FAM228B: variants seen among roughly 807,000 people sequenced by gnomAD.
FAM228B encodes family with sequence similarity 228 member B, also known as protein FAM228B.
In FAM228B, 38 loss-of-function variants were observed where a neutral mutation model predicts 42.6. That is an observed-to-expected ratio of 0.89 (90% CI 0.69 to 1.17). The LOEUF (loss-of-function observed/expected upper bound fraction) is 1.17. Among genes scored for constraint, FAM228B ranks in the 50% most tolerant of loss-of-function variants. The pLI is 0.00. For missense variants in FAM228B, 344 were observed against 367.3 expected (o/e 0.94, Z 0.52); for synonymous variants, 109 against 122.3 (o/e 0.89, Z 0.72).
Position 24,077,137 on chromosome 2 carries a change from G to C in FAM228B, c.-290+168G>C, listed in dbSNP as rs1664784606. Among the ~76,000 whole-genome samples, 4 of 152,016 alleles carry C rather than the reference G, an allele frequency of 2.6e-5. No homozygotes were observed. In the South Asian group the frequency reaches 8.3e-4, roughly 31 times the overall value. On this transcript the variant is annotated intron_variant, in intron 1 of 10. Coordinates refer to the FAM228B transcript ENST00000613899. This position sits in a 1 kb window ranked among gnomAD's most constrained non-coding sequence, Gnocchi z 5.5. ...GAGGAGGGCGGCGAGAGGTGGGGTG[G>C]GGCCCAGGTGAGTAGCGGGCAGGGC...
In FAM228B at chr2:24,128,086, C is replaced by T. The variant is rs539432079; in HGVS notation, c.99+3626C>T. On this transcript the variant is annotated intron_variant, in intron 2 of 10. Coordinates refer to ENST00000615575, the MANE Select transcript of FAM228B (RefSeq NM_001145710.2). ...CTGGTAATTTTCTTCAGTTTTTCCCCCGTGCATTTCATTTTGGAAAGCTGC... is the reference window on the plus strand; with the variant it reads ...CTGGTAATTTTCTTCAGTTTTTCCCTCGTGCATTTCATTTTGGAAAGCTGC... Among the ~76,000 whole-genome samples the T allele has an allele frequency of 3.3e-5, 5 of 152,292 alleles. No individual in the cohort carries two copies. In the South Asian group the frequency reaches 6.2e-4, roughly 19 times the overall value.
chr2:24,104,054 A>C (rs1373238420), intron 3 of FAM228B, among the ~76,000 whole-genome samples: 1 of 152,204 alleles, frequency 6.6e-6, no homozygotes, highest in African/African-American at 2.4e-5. Flanking sequence ...CAGGCCGATC[A>C]TCTGAAAAAC....
In FAM228B at chr2:24,080,936, G is replaced by T. The variant is rs1664974952; in HGVS notation, c.-229G>T. The T allele has an allele frequency of 2.5e-6, 4 of 1,614,030 alleles. No homozygotes were observed. In the African/African-American group the frequency reaches 5.3e-5, roughly 22 times the overall value. Reference sequence around the variant, plus strand: ...TTCTGGGAGCCAGCTGTGACCAGAGGAATAGCTCCAGCCATCCGGGTGAGT... The same window carrying T: ...TTCTGGGAGCCAGCTGTGACCAGAGTAATAGCTCCAGCCATCCGGGTGAGT... On this transcript the variant is annotated 5_prime_UTR_variant, in exon 2 of 11. Coordinates refer to the FAM228B transcript ENST00000613899. This position sits in a 1 kb window ranked among gnomAD's most constrained non-coding sequence, Gnocchi z 4.7.
At chr2:24,098,560 C>T (rs979196208) in intron 3 of FAM228B, among the ~76,000 whole-genome samples, 1 of 152,136 alleles carries the variant, frequency 6.6e-6, no homozygotes, top group African/African-American at 2.4e-5. Flanking sequence ...TGGAAACATA[C>T]ACCCACCCAA....
chr2:24,108,684 G>A (rs947714970), intron 3 of FAM228B, among the ~76,000 whole-genome samples: 3 of 151,946 alleles, frequency 2.0e-5, no homozygotes, highest in Non-Finnish European at 4.4e-5. Flanking sequence ...GGCAGATCAC[G>A]AGGTCATGAG....
chr2:24,159,918 G>A (rs144864012), intron 7 of FAM228B, among the ~76,000 whole-genome samples: 4 of 151,746 alleles, frequency 2.6e-5, no homozygotes, highest in African/African-American at 7.3e-5. Flanking sequence ...CTGCTGCTAC[G>A]ATCTTCTCTT....
intron 2 of FAM228B, chr2:24,083,196 T>A (rs778177874): frequency 6.5e-7 from 1 of 1,536,596 alleles, no homozygotes; most frequent in Non-Finnish European, 8.8e-7. Flanking sequence ...TGATCAGAAA[T>A]CTGTATGTCA....
At chr2:24,120,313 GATGTA>G (rs946180371), upstream of FAM228B, among the ~76,000 whole-genome samples, 6 of 151,900 alleles carry the variant, frequency 3.9e-5, no homozygotes, top group African/African-American at 1.5e-4. Context: ...AAACAAAACT[GATGTA>G]ATGGAAAGGT....
In FAM228B at chr2:24,137,966, T is replaced by A; in HGVS notation, c.226T>A (p.Leu76Ile). 1 of 1,545,986 alleles carries A rather than the reference T, an allele frequency of 6.5e-7. No individual in the cohort carries two copies. The highest frequency in any genetic ancestry group is 8.7e-7 in the Non-Finnish European group (1 of 1,145,608). Residue 76 changes from leucine (L) to isoleucine (I), a missense_variant, in exon 4 of 11, where the codon TTA becomes ATA. Physicochemically the swap from Leu to Ile is conservative, Grantham distance 5. Coordinates refer to ENST00000615575, the MANE Select transcript of FAM228B (RefSeq NM_001145710.2). ...CTTAAATGCAAGAAGAAAGGAGATG[T>A]TATATAAAAGATGGGTTGACTGTGT... ...AFLNARRKEM[L>I]YKRWVDCVAD...
chr2:24,163,850 A>G (rs145658313), intron 8 of FAM228B, among the ~76,000 whole-genome samples: 2 of 152,280 alleles, frequency 1.3e-5, no homozygotes, highest in East Asian at 3.9e-4. Context: ...GAATAAGGGA[A>G]GCATCCCAAT....
Position 24,078,491 on chromosome 2 carries a change from A to G in FAM228B, c.-290+1522A>G, listed in dbSNP as rs1019461943. ...AGACCCTGTCTCCATAAAAAAAAAAAAAAAAAAAAAAAGTACATGCTTTTC... is the reference window on the plus strand; with the variant it reads ...AGACCCTGTCTCCATAAAAAAAAAAGAAAAAAAAAAAAGTACATGCTTTTC... On this transcript the variant is annotated intron_variant, in intron 1 of 10. Transcript: ENST00000613899. Among the ~76,000 whole-genome samples the G allele has an allele frequency of 1.7e-4, 26 of 151,912 alleles. 1 individual carries two copies. Among genetic ancestry groups the G allele is most frequent in the African/African-American group, 6.0e-4 (25 of 41,470 alleles).
rs1666914072 is a variant in FAM228B at position 24,147,090 on chromosome 2, A to G, written c.686+4A>G. On this transcript the variant is annotated splice_donor_region_variant and intron_variant, in intron 7 of 10. Transcript: ENST00000615575. Reference sequence around the variant, plus strand: ...GTGAATTTTGTAGAAGGAGAAGGTAATGGTTAATATACTAGAAATTATAGA... The same window carrying G: ...GTGAATTTTGTAGAAGGAGAAGGTAGTGGTTAATATACTAGAAATTATAGA... 2 of 1,537,374 alleles carry G rather than the reference A, an allele frequency of 1.3e-6. No individual in the cohort carries two copies. The highest frequency in any genetic ancestry group is 1.8e-6 in the Non-Finnish European group (2 of 1,138,280).
At chr2:24,155,000 TTTTC>T (rs1179702081) in intron 7 of FAM228B, among the ~76,000 whole-genome samples, 2 of 152,216 alleles carry the variant, frequency 1.3e-5, no homozygotes, top group African/African-American at 4.8e-5. Flanking sequence ...CTGTTACTTT[TTTTC>T]TTTGTCTACT....
chr2:24,104,068 G>A (rs114384963), intron 3 of FAM228B, among the ~76,000 whole-genome samples: 3,584 of 152,256 alleles, frequency 0.024, 144 homozygotes, highest in African/African-American at 0.08. Flanking sequence ...GAAAAACCAC[G>A]TTGGGACCCA....
At chr2:24,129,356 T>C (rs1290396981) in intron 2 of FAM228B, among the ~76,000 whole-genome samples, 2 of 151,924 alleles carry the variant, frequency 1.3e-5, no homozygotes, top group Non-Finnish European at 2.9e-5. Flanking sequence ...GTCTGTTTCC[T>C]GCTACTCTGT....
intron 7 of FAM228B, among the ~76,000 whole-genome samples, chr2:24,161,212 G>A (rs1297390929): frequency 1.3e-5 from 2 of 152,146 alleles, no homozygotes; most frequent in East Asian, 3.9e-4. Context: ...TTAGGAGGCC[G>A]AGGCAGGAAG....
In FAM228B at chr2:24,095,447, G is replaced by A. The variant is rs531653331; in HGVS notation, c.-121+218G>A. On this transcript the variant is annotated intron_variant, in intron 3 of 10. Coordinates refer to the FAM228B transcript ENST00000613899. This position sits in a 1 kb window ranked among gnomAD's most constrained non-coding sequence, Gnocchi z 4.8. Reference sequence around the variant, plus strand: ...AAGATCTTAGCCACCGGCAGACAAGGAGATTCTCTCCCATGCCTGGCTCGG... The same window carrying A: ...AAGATCTTAGCCACCGGCAGACAAGAAGATTCTCTCCCATGCCTGGCTCGG... The A allele has an allele frequency of 6.6e-6, 1 of 152,402 alleles. No homozygotes were observed. Among genetic ancestry groups the A allele is most frequent in the South Asian group, 2.1e-4 (1 of 4,832 alleles). The allele number at this position is 152,402 out of a possible 1,614,324, so 9.4% of individuals were successfully genotyped here. A position where few individuals can be genotyped will look rare whatever the true frequency, so the allele number is the denominator to read the frequency against.
intron 3 of FAM228B, among the ~76,000 whole-genome samples, chr2:24,117,089 C>G (rs971531606): frequency 6.7e-6 from 1 of 148,222 alleles, no homozygotes; most frequent in African/African-American, 2.5e-5. Flanking sequence ...GATCTCGGCT[C>G]ACCGCAACCT....
At chr2:24,145,117 C>T (rs1666862400) in intron 5 of FAM228B, among the ~76,000 whole-genome samples, 1 of 152,194 alleles carries the variant, frequency 6.6e-6, no homozygotes, top group South Asian at 2.1e-4. Context: ...TGCCCATCCA[C>T]CTGGCCGACC....
Sources: gnomAD v4.1 joint callset for allele counts (sites outside exome capture counted in the v4.1 genomes callset) on GRCh38, gnomAD v4.1.1 for gene constraint, Gnocchi (gnomAD v3.1) non-coding constraint, MANE v1.5 for transcripts, NCBI Gene and HGNC (gene_info 2026-07-23, HGNC 2026-07-21) for gene names.